MYO1B: variants seen among roughly 807,000 people sequenced by gnomAD.
MYO1B encodes the protein myosin IB.
In MYO1B, 72 loss-of-function variants were observed where a neutral mutation model predicts 159.7. The observed-to-expected ratio is 0.45, with a 90% CI of 0.37 to 0.55. The LOEUF is 0.55. Ranked by LOEUF, MYO1B falls within the 20% of genes least tolerant of loss-of-function variation. The probability of loss-of-function intolerance (pLI) is 0.00; values close to 1 mark genes in which losing one functional copy is unlikely to be tolerated. For missense variants in MYO1B, 1,062 were observed against 1,364.8 expected (o/e 0.78, Z 3.50); for synonymous variants, 468 against 473.8 (o/e 0.99, Z 0.16).
At chr2:191,400,624 G>A (rs142925666) in intron 22 of MYO1B, 125 bp from the exon 23 acceptor site, 25 of 1,313,560 alleles carry the variant, frequency 1.9e-5, no homozygotes, top group Non-Finnish European at 2.7e-5. Context: ...TGGGGTGGTG[G>A]CACATGCTTT....
At chr2:191,379,881 T>C (rs1403104282) in intron 13 of MYO1B, among the ~76,000 whole-genome samples, 1 of 152,236 alleles carries the variant, frequency 6.6e-6, no homozygotes, top group African/African-American at 2.4e-5. Flanking sequence ...AGTTTCTAAT[T>C]GAAATTGTTA....
intron 9 of MYO1B, among the ~76,000 whole-genome samples, chr2:191,363,396 A>T (rs1693798656): frequency 6.6e-6 from 1 of 152,042 alleles, no homozygotes. Flanking sequence ...GAGTTGTGCA[A>T]GTTGGTTTTG....
At chr2:191,312,480 T>C (rs1362291403) in intron 3 of MYO1B, among the ~76,000 whole-genome samples, 1 of 152,228 alleles carries the variant, frequency 6.6e-6, no homozygotes, top group African/African-American at 2.4e-5. Flanking sequence ...CCATGACCTT[T>C]TATTTATATA....
intron 1 of MYO1B, among the ~76,000 whole-genome samples, chr2:191,246,890 C>T (rs35596292): frequency 0.28 from 42,127 of 152,032 alleles, 6,373 homozygotes; most frequent in Middle Eastern, 0.45. Flanking sequence ...CTGAGGAGCC[C>T]TGGCATTGAA....
At chr2:191,306,070 A>G (rs1559155581) in intron 3 of MYO1B, among the ~76,000 whole-genome samples, 1 of 152,146 alleles carries the variant, frequency 6.6e-6, no homozygotes, top group Non-Finnish European at 1.5e-5. Flanking sequence ...AAAACACAAG[A>G]GACGTTAATA....
intron 28 of MYO1B, 88 bp downstream of exon 28, chr2:191,414,268 A>G: frequency 6.7e-7 from 1 of 1,487,094 alleles, no homozygotes; most frequent in South Asian, 1.4e-5. Context: ...TTTGCATTTC[A>G]TGTTCTCAGT....
At chr2:191,390,974 C>T (rs149739020) in intron 18 of MYO1B, among the ~76,000 whole-genome samples, 9 of 152,338 alleles carry the variant, frequency 5.9e-5, no homozygotes, top group African/African-American at 1.4e-4. Flanking sequence ...GATTAGAGAA[C>T]GTAGCTTGGA....
At chr2:191,266,298 C>T (rs1687136209) in intron 1 of MYO1B, among the ~76,000 whole-genome samples, 1 of 152,184 alleles carries the variant, frequency 6.6e-6, no homozygotes, top group African/African-American at 2.4e-5. Context: ...TGAGTTTGCT[C>T]TCTCAGTCAG....
chr2:191,247,855 T>G, intron 1 of MYO1B: 1 of 880,656 alleles, frequency 1.1e-6, no homozygotes, highest in African/African-American at 1.8e-5. Context: ...GATGCCTGAT[T>G]GTGTGATAAG....
intron 2 of MYO1B, among the ~76,000 whole-genome samples, chr2:191,293,656 C>T (rs748530911): frequency 1.3e-5 from 2 of 152,110 alleles, no homozygotes; most frequent in Non-Finnish European, 2.9e-5. Flanking sequence ...TGAGGATTAC[C>T]AGAAGTGTTC....
chr2:191,342,593 T>C (rs541393352), intron 5 of MYO1B, among the ~76,000 whole-genome samples: 2 of 152,334 alleles, frequency 1.3e-5, no homozygotes, highest in Admixed American at 6.5e-5. Context: ...ACACCTGTAA[T>C]CCCAGCTCTT....
chr2:191,351,234 C>T (rs1471984593), intron 7 of MYO1B, among the ~76,000 whole-genome samples: 1 of 151,008 alleles, frequency 6.6e-6, no homozygotes, highest in East Asian at 1.9e-4. Context: ...AAAGTGTGCT[C>T]ATTTATTTTT....
chr2:191,338,094 G>A (rs1332245957), intron 4 of MYO1B, among the ~76,000 whole-genome samples: 2 of 151,852 alleles, frequency 1.3e-5, no homozygotes, highest in Non-Finnish European at 2.9e-5. Flanking sequence ...CTCTAAAGTA[G>A]TGCCTGTGTA....
chr2:191,350,264 A>T, intron 7 of MYO1B, 39 bp downstream of exon 7: 1 of 1,412,866 alleles, frequency 7.1e-7, no homozygotes, highest in Non-Finnish European at 1.0e-6. Flanking sequence ...GAAGTTCAGA[A>T]TACTAAAACA....
intron 3 of MYO1B, among the ~76,000 whole-genome samples, chr2:191,327,904 G>A (rs1438162490): frequency 2.0e-5 from 3 of 152,170 alleles, no homozygotes; most frequent in East Asian, 3.9e-4. Context: ...TTATATGCAA[G>A]GCAGCAGACT....
chr2:191,350,338 T>G (rs1692831908), intron 7 of MYO1B, 113 bp downstream of exon 7: 1 of 688,462 alleles, frequency 1.5e-6, no homozygotes, highest in Admixed American at 2.9e-5. Context: ...GTTTCCTTGC[T>G]TTATATTTAG....
chr2:191,265,350 A>G (rs1044440948), intron 1 of MYO1B, among the ~76,000 whole-genome samples: 2 of 152,156 alleles, frequency 1.3e-5, no homozygotes, highest in South Asian at 4.2e-4. Context: ...CTGTATTTTT[A>G]ATTATAATGA....
At chr2:191,330,142 G>A in intron 4 of MYO1B, 113 bp downstream of exon 4, 1 of 817,208 alleles carries the variant, frequency 1.2e-6, no homozygotes, top group Non-Finnish European at 2.0e-6. Flanking sequence ...CACTGTGAGG[G>A]TGCTTCTGCA....
At chr2:191,387,951 C>T (rs1291309067) in intron 17 of MYO1B, 1 of 166,190 alleles carries the variant, frequency 6.0e-6, no homozygotes, top group Non-Finnish European at 1.3e-5. Flanking sequence ...GTAATGATTC[C>T]TAAAGCAATC....
Sources: gnomAD v4.1 joint callset for allele counts (sites outside exome capture counted in the v4.1 genomes callset) on GRCh38, gnomAD v4.1.1 for gene constraint, MANE v1.5 for transcripts, NCBI Gene and HGNC (gene_info 2026-07-23, HGNC 2026-07-21) for gene names.